Variants in BAZ2B observed in about 807,000 individuals in gnomAD.
BAZ2B encodes bromodomain adjacent to zinc finger domain 2B.
A neutral mutation model predicts 246.0 loss-of-function variants in BAZ2B; 91 were observed. The observed-to-expected ratio is 0.37, with a 90% CI of 0.31 to 0.44. The LOEUF is 0.44. Ranked by LOEUF, BAZ2B falls within the 20% of genes least tolerant of loss-of-function variation. The pLI is 1.00. For synonymous variants in BAZ2B, 855 were observed against 860.0 expected (o/e 0.99, Z 0.10); for missense variants, 2,332 against 2,533.7 (o/e 0.92, Z 1.71).
At chr2:159,688,355 G>C in the BAZ2B span, among the ~76,000 whole-genome samples, 1 of 152,096 alleles carries the variant, frequency 6.6e-6, no homozygotes, top group Non-Finnish European at 1.5e-5. Context: ...AAAACTACAA[G>C]GAATTTCCAT....
At chr2:159,551,393 C>G (rs1347429150) in intron 2 of BAZ2B, among the ~76,000 whole-genome samples, 1 of 145,326 alleles carries the variant, frequency 6.9e-6, no homozygotes, top group Non-Finnish European at 1.5e-5. Flanking sequence ...GGTGTGAACC[C>G]GGGAGGTGAA....
chr2:159,568,282 T>C (rs1683123673), intron 1 of BAZ2B, among the ~76,000 whole-genome samples: 1 of 152,136 alleles, frequency 6.6e-6, no homozygotes, highest in Admixed American at 6.5e-5. Flanking sequence ...CAACAAAAAC[T>C]TGAAATTGTC....
chr2:159,355,760 G>T (rs1240631167), intron 27 of BAZ2B, among the ~76,000 whole-genome samples: 1 of 152,148 alleles, frequency 6.6e-6, no homozygotes, highest in East Asian at 1.9e-4. Context: ...CAGAAGGTGG[G>T]TGATTTCTGC....
intron 13 of BAZ2B, among the ~76,000 whole-genome samples, chr2:159,422,156 T>C (rs764496959): frequency 2.0e-5 from 3 of 152,190 alleles, no homozygotes; most frequent in African/African-American, 4.8e-5. Context: ...ATTGTCAAAA[T>C]GGCCATATTG....
At chr2:159,453,944 T>C in intron 3 of BAZ2B, 143 bp from the exon 4 acceptor site, 1 of 621,000 alleles carries the variant, frequency 1.6e-6, no homozygotes, top group Non-Finnish European at 2.4e-6. Flanking sequence ...TTTCTACTCT[T>C]CAAACCCTAT....
chr2:159,404,828 A>T (rs773607065), intron 16 of BAZ2B, 21 bp downstream of exon 16: 2 of 1,598,736 alleles, frequency 1.3e-6, no homozygotes, highest in East Asian at 2.2e-5. Flanking sequence ...TTTAAAAGTC[A>T]CTTCCAATGT....
intron 1 of BAZ2B, among the ~76,000 whole-genome samples, chr2:159,584,507 A>C (rs1687601516): frequency 6.6e-6 from 1 of 152,236 alleles, no homozygotes; most frequent in Non-Finnish European, 1.5e-5. Context: ...AGGCTACTAC[A>C]AATATCCAAG....
rs770104952 is a variant in BAZ2B, at chr2:159,332,520, T to C, written c.5943+20A>G. ...AAAAGATAAAATAAAATGAAAAGTT[T>C]AGTTTTAGATTGGTCTTACCTTAGC... On this transcript the variant is annotated intron_variant, in intron 34 of 36. Coordinates refer to ENST00000392783, the MANE Select transcript of BAZ2B (RefSeq NM_013450.4). 1 of 1,569,652 alleles carries C rather than the reference T, an allele frequency of 6.4e-7. No individual in the cohort carries two copies. The highest frequency in any genetic ancestry group is 8.6e-7 in the Non-Finnish European group (1 of 1,163,536).
intron 2 of BAZ2B, among the ~76,000 whole-genome samples, chr2:159,483,038 C>T (rs1271976051): frequency 6.6e-6 from 1 of 152,048 alleles, no homozygotes; most frequent in Non-Finnish European, 1.5e-5. Context: ...CACGAACTAA[C>T]CCATTCTTTG....
chr2:159,389,476 G>T lies in BAZ2B; in HGVS notation c.3085C>A (p.Arg1029=). Residue 1029 remains arginine (R), a synonymous_variant, in exon 21 of 37, where the codon CGG becomes AGG. Coordinates refer to ENST00000392783, the MANE Select transcript of BAZ2B (RefSeq NM_013450.4). ...TCATCACGTTTTTCTTGTTTCAACCGCTCTTTTTCCTTAAAAAGAAAACCA... is the reference window on the plus strand; with the variant it reads ...TCATCACGTTTTTCTTGTTTCAACCTCTCTTTTTCCTTAAAAAGAAAACCA... ...EARKKAEEKE[R]LKQEKRDEKR... The T allele has an allele frequency of 2.5e-6, 4 of 1,594,798 alleles. No individual in the cohort carries two copies. Among genetic ancestry groups the T allele is most frequent in the Non-Finnish European group, 3.4e-6 (4 of 1,172,210 alleles).
intron 1 of BAZ2B, among the ~76,000 whole-genome samples, chr2:159,582,137 C>T (rs1252397301): frequency 6.6e-6 from 1 of 152,142 alleles, no homozygotes; most frequent in African/African-American, 2.4e-5. Context: ...ACATGGCAGA[C>T]TTCTGTTGCA....
At chr2:159,630,292 C>T in the BAZ2B span, among the ~76,000 whole-genome samples, 1 of 152,116 alleles carries the variant, frequency 6.6e-6, no homozygotes, top group African/African-American at 2.4e-5. Flanking sequence ...CACTACATTT[C>T]AGCCTGGGCA....
the BAZ2B span, among the ~76,000 whole-genome samples, chr2:159,674,308 C>G: frequency 6.9e-6 from 1 of 145,142 alleles, no homozygotes; most frequent in Non-Finnish European, 1.5e-5. Flanking sequence ...GCACTCCAGC[C>G]TGGGCAACGA....
chr2:159,403,367 T>C (rs1576602133), intron 16 of BAZ2B, among the ~76,000 whole-genome samples: 1 of 152,172 alleles, frequency 6.6e-6, no homozygotes, highest in East Asian at 1.9e-4. Context: ...GCTTTTTCAA[T>C]GAGTAGCAAA....
the BAZ2B span, among the ~76,000 whole-genome samples, chr2:159,676,647 G>GCACA: frequency 0.075 from 9,871 of 132,482 alleles, 555 homozygotes; most frequent in African/African-American, 0.15. Context: ...GTATCTAAAT[G>GCACA]CACACACACA....
At chr2:159,578,517 G>A (rs1403829173) in intron 1 of BAZ2B, among the ~76,000 whole-genome samples, 1 of 151,988 alleles carries the variant, frequency 6.6e-6, no homozygotes, top group African/African-American at 2.4e-5. Context: ...ACAGATCAAC[G>A]AGACAAAAAG....
chr2:159,522,505 T>C (rs540342930), intron 2 of BAZ2B, among the ~76,000 whole-genome samples: 1 of 152,316 alleles, frequency 6.6e-6, no homozygotes, highest in Admixed American at 6.5e-5. Flanking sequence ...AAGTTTCCTG[T>C]TATATTTTAT....
chr2:159,496,641 GC>G (rs1483035551), intron 2 of BAZ2B, among the ~76,000 whole-genome samples: 2 of 151,244 alleles, frequency 1.3e-5, no homozygotes, highest in Non-Finnish European at 3.0e-5. Context: ...AATTAGCCGG[GC>G]ATGGTGAGGC....
At chr2:159,385,567 G>A (rs146342911) in intron 22 of BAZ2B, among the ~76,000 whole-genome samples, 198 bp from the exon 23 acceptor site, 208 of 151,532 alleles carry the variant, frequency 1.4e-3, no homozygotes, top group African/African-American at 4.6e-3. Flanking sequence ...TTCTTTCCCC[G>A]CTTCAAATCC....
Sources: gnomAD v4.1 joint callset for allele counts (sites outside exome capture counted in the v4.1 genomes callset) on GRCh38, gnomAD v4.1.1 for gene constraint, MANE v1.5 for transcripts, NCBI Gene and HGNC (gene_info 2026-07-23, HGNC 2026-07-21) for gene names.